ITFG1: variants seen among roughly 807,000 people sequenced by gnomAD.
The protein encoded by ITFG1 is integrin alpha FG-GAP repeat containing 1.
Under a neutral mutation model 81.8 loss-of-function variants are expected in ITFG1, and 34 were observed. That is an observed-to-expected ratio of 0.42 (90% CI 0.32 to 0.55). The LOEUF is 0.55. Ranked by LOEUF, ITFG1 falls within the 20% of genes least tolerant of loss-of-function variation. The pLI is 0.17. For missense variants in ITFG1, 672 were observed against 755.4 expected (o/e 0.89, Z 1.29); for synonymous variants, 285 against 270.6 (o/e 1.05, Z -0.52).
At chr16:47,430,013 G>C (rs1041660782) in intron 5 of ITFG1, among the ~76,000 whole-genome samples, 2 of 147,546 alleles carry the variant, frequency 1.4e-5, no homozygotes, top group Non-Finnish European at 3.0e-5. Flanking sequence ...CCTTTATCTA[G>C]TATATGACTT....
At chr16:47,270,049 T>A (rs749375404) in intron 10 of ITFG1, among the ~76,000 whole-genome samples, 3 of 152,174 alleles carry the variant, frequency 2.0e-5, no homozygotes, top group Non-Finnish European at 4.4e-5. Flanking sequence ...ATAAATGGTG[T>A]TGGAACAATT....
At chr16:47,356,416 G>A (rs1270274044) in intron 8 of ITFG1, among the ~76,000 whole-genome samples, 1 of 152,182 alleles carries the variant, frequency 6.6e-6, no homozygotes, top group African/African-American at 2.4e-5. Context: ...TAGTTACAGA[G>A]GGTGATGTGA....
intron 8 of ITFG1, among the ~76,000 whole-genome samples, chr16:47,332,219 TA>T (rs1468487119): frequency 6.7e-6 from 1 of 150,284 alleles, no homozygotes; most frequent in Non-Finnish European, 1.5e-5. Context: ...TAAAATAAAA[TA>T]AAAAAAGAAG....
chr16:47,245,310 T>C (rs1965987852), intron 12 of ITFG1, among the ~76,000 whole-genome samples: 1 of 151,994 alleles, frequency 6.6e-6, no homozygotes, highest in African/African-American at 2.4e-5. Context: ...GATCATGCCA[T>C]TGCATTCCAG....
chr16:47,322,726 T>C (rs977063047), intron 8 of ITFG1, among the ~76,000 whole-genome samples: 4 of 152,330 alleles, frequency 2.6e-5, no homozygotes, highest in Admixed American at 6.5e-5. Flanking sequence ...CACTGTGGAA[T>C]AGCTAAATCT....
chr16:47,262,501 G>A (rs1054361452), intron 10 of ITFG1, among the ~76,000 whole-genome samples: 10 of 152,132 alleles, frequency 6.6e-5, no homozygotes, highest in African/African-American at 1.9e-4. Context: ...TGATAAAAGC[G>A]GACTTTCTAC....
chr16:47,205,610 T>C (rs1371335863), intron 14 of ITFG1, among the ~76,000 whole-genome samples: 1 of 152,184 alleles, frequency 6.6e-6, no homozygotes, highest in Non-Finnish European at 1.5e-5. Flanking sequence ...TCTAGCCTTC[T>C]GAATAAATTT....
intron 14 of ITFG1, among the ~76,000 whole-genome samples, chr16:47,210,813 T>C (rs200594710): frequency 1.3e-5 from 2 of 152,200 alleles, no homozygotes; most frequent in Non-Finnish European, 2.9e-5. Context: ...TCAATGTATC[T>C]GTACTTCTGC....
In ITFG1 at chr16:47,218,922, G is replaced by A. The variant is rs757994396; in HGVS notation, c.1399C>T (p.Pro467Ser). ...ITPFGVNQPG[P>S]YIMYTTVDAN... is the part of the protein sequence containing the mutation. ...TCTACAGTTGTATACATGATATAAG[G>A]TCCAGGTTGATTCACTCCAAAGGGC... The change falls in exon 14 of 18, where the codon CCT (proline) becomes TCT (serine). Residue 467 changes from proline (P) to serine (S), a missense_variant. Physicochemically the swap from Pro to Ser is moderately conservative, Grantham distance 74 (BLOSUM62 -1). Around this residue, in one of 3 missense-constraint regions of ITFG1, gnomAD observed 560 missense variants for 625.7 expected, o/e 0.90. Transcript: ENST00000320640. 6.2e-7 allele frequency: 1 copy of A among 1,600,238 alleles called. No individual in the cohort carries two copies. Among genetic ancestry groups the A allele is most frequent in the South Asian group, 1.1e-5 (1 of 88,922 alleles).
chr16:47,422,258 C>G (rs1202370551), intron 6 of ITFG1, among the ~76,000 whole-genome samples: 2 of 152,182 alleles, frequency 1.3e-5, no homozygotes, highest in African/African-American at 4.8e-5. Context: ...ACCACACTGT[C>G]TTCCACAATG....
At chr16:47,422,905 T>C (rs1490804297) in intron 6 of ITFG1, among the ~76,000 whole-genome samples, 1 of 152,156 alleles carries the variant, frequency 6.6e-6, no homozygotes, top group Admixed American at 6.5e-5. Context: ...ATTCTGTTGA[T>C]TTGGGGTGGA....
At chr16:47,218,997 G>C (rs1965659572) in intron 13 of ITFG1, 51 bp from the exon 14 acceptor site, 1 of 1,318,092 alleles carries the variant, frequency 7.6e-7, no homozygotes, top group Non-Finnish European at 1.0e-6. Flanking sequence ...GTGAATTATT[G>C]GAAGTTTCAG....
chr16:47,268,687 T>A (rs1482424045), intron 10 of ITFG1, among the ~76,000 whole-genome samples: 1 of 152,240 alleles, frequency 6.6e-6, no homozygotes, highest in Admixed American at 6.5e-5. Flanking sequence ...TTTTGAACCA[T>A]GTCTCTGCTC....
intron 1 of ITFG1, among the ~76,000 whole-genome samples, chr16:47,460,380 C>G (rs913343436): frequency 1.3e-5 from 2 of 152,172 alleles, no homozygotes; most frequent in Non-Finnish European, 2.9e-5. Context: ...AGAAGAAGCC[C>G]CCTATGAGAA....
intron 1 of ITFG1, 144 bp downstream of exon 1, chr16:47,460,694 G>T: frequency 2.3e-6 from 2 of 888,736 alleles, no homozygotes; most frequent in Non-Finnish European, 3.5e-6. Flanking sequence ...AGGACAAGCT[G>T]TTAAGAATGC....
At chr16:47,253,468 T>C (rs1321588921) in intron 12 of ITFG1, among the ~76,000 whole-genome samples, 1 of 152,224 alleles carries the variant, frequency 6.6e-6, no homozygotes, top group Non-Finnish European at 1.5e-5. Flanking sequence ...GGCTACATTT[T>C]CCTGAGCAGG....
At chr16:47,204,920 A>C (rs529249655) in intron 14 of ITFG1, among the ~76,000 whole-genome samples, 1 of 152,218 alleles carries the variant, frequency 6.6e-6, no homozygotes, top group Non-Finnish European at 1.5e-5. Context: ...TGTATTCTCT[A>C]AACTCATATG....
At chr16:47,303,223 A>C (rs972879682) in intron 10 of ITFG1, among the ~76,000 whole-genome samples, 6 of 152,110 alleles carry the variant, frequency 3.9e-5, no homozygotes, top group African/African-American at 1.4e-4. Context: ...GTGAGCCGAG[A>C]TCGCACCACT....
At chr16:47,298,595 G>A (rs541755799) in intron 10 of ITFG1, among the ~76,000 whole-genome samples, 2 of 152,172 alleles carry the variant, frequency 1.3e-5, no homozygotes, top group East Asian at 3.9e-4. Flanking sequence ...GCTTTAATGT[G>A]GTGGCTTTAT....
Sources: gnomAD v4.1 joint callset for allele counts (sites outside exome capture counted in the v4.1 genomes callset) on GRCh38, gnomAD v4.1.1 for gene constraint, gnomAD v4.1.1 regional missense constraint, MANE v1.5 for transcripts, NCBI Gene and HGNC (gene_info 2026-07-23, HGNC 2026-07-21) for gene names.